Variants in PBLD observed in about 807,000 individuals in gnomAD.
The protein encoded by PBLD is phenazine biosynthesis-like domain-containing protein.
In PBLD, 26 loss-of-function variants were observed where a neutral mutation model predicts 31.3. That is an observed-to-expected ratio of 0.83 (90% CI 0.61 to 1.15). The LOEUF (loss-of-function observed/expected upper bound fraction) is 1.15, where lower values mean the gene tolerates loss of function less well. Ranked by LOEUF, PBLD falls within the 50% of genes most tolerant of loss-of-function variation. The pLI, the probability that PBLD is intolerant of heterozygous loss-of-function variation, is 0.00. For synonymous variants in PBLD, 114 were observed against 129.0 expected (o/e 0.88, Z 0.79); for missense variants, 307 against 351.7 (o/e 0.87, Z 1.02).
At chr10:68,287,432 A>G (rs2044302903) in intron 8 of PBLD, 1 of 152,152 alleles carries the variant, frequency 6.6e-6, no homozygotes, top group Non-Finnish European at 1.5e-5. Context: ...ATGGTTGGGC[A>G]TTTTCCTGAG....
chr10:68,295,475 C>T (rs1208952620), intron 4 of PBLD, among the ~76,000 whole-genome samples: 1 of 147,376 alleles, frequency 6.8e-6, no homozygotes, highest in Non-Finnish European at 1.5e-5. Context: ...TCTGGTCAAC[C>T]GAGCCAGGCC....
intron 1 of PBLD, among the ~76,000 whole-genome samples, chr10:68,327,065 T>TA (rs374097075): frequency 0.021 from 3,073 of 145,856 alleles, 104 homozygotes; most frequent in African/African-American, 0.072. Flanking sequence ...ACAACAACAA[T>TA]AAAAAAAAAA....
chr10:68,306,333 T>C (rs2044578765), intron 2 of PBLD, among the ~76,000 whole-genome samples: 1 of 152,228 alleles, frequency 6.6e-6, no homozygotes, highest in African/African-American at 2.4e-5. Context: ...TTCTTGATCC[T>C]GAAAAGAATT....
chr10:68,305,831 G>C (rs1425639786), intron 2 of PBLD, among the ~76,000 whole-genome samples: 2 of 152,156 alleles, frequency 1.3e-5, no homozygotes, highest in East Asian at 1.9e-4. Flanking sequence ...CTAGAAGACA[G>C]CATTTTCAAA....
rs770362151 is a variant in PBLD, at chr10:68,288,601, C to G, written c.573G>C (p.Gly191=). ...GGGTAAGAATAAGCCCTTTCACCTT[C>G]CCTGTGTTTTCAACTTGCAGCAGAT... is the stretch of plus-strand genomic sequence containing the variant. ...TENLLQVENT[G]KVKGLILTLK... is the part of the protein sequence containing the mutation. The change falls in exon 8 of 10, where the codon GGG becomes GGC. Residue 191 remains glycine, a synonymous_variant. Coordinates refer to ENST00000358769, the MANE Select transcript of PBLD (RefSeq NM_022129.4). The G allele has an allele frequency of 4.3e-6, 7 of 1,614,080 alleles. No homozygotes were observed. The African/African-American group carries it at 9.3e-5, about 22-fold the overall frequency.
chr10:68,310,298 CTTTG>C lies in PBLD; in HGVS notation c.-59-3399_-59-3396del, dbSNP rs200759167. The stretch of plus-strand genomic sequence containing the variant: ...ATTTGAAAGAAAATTTTTCTTTTTA[CTTTG>C]TTTATGTTTCTTTTAATTGACAGAT... On this transcript the variant is annotated intron_variant, in intron 1 of 9. Coordinates refer to ENST00000358769, the MANE Select transcript of PBLD (RefSeq NM_022129.4). Among the ~76,000 whole-genome samples, 781 of 146,874 alleles carry C rather than the reference CTTTG, an allele frequency of 5.3e-3. 27 individuals are homozygous for C. Among genetic ancestry groups the C allele is most frequent in the South Asian group, 0.015 (71 of 4,596 alleles).
rs530823664 is a variant in PBLD, at chr10:68,302,279, G to T, written c.84+4482C>A. 1.1e-4 allele frequency among the ~76,000 whole-genome samples: 17 copies of T among 152,256 alleles called. No homozygotes were observed. The South Asian group carries it at 3.5e-3, about 32-fold the overall frequency. On this transcript the variant is annotated intron_variant, in intron 2 of 9. Coordinates refer to ENST00000358769, the MANE Select transcript of PBLD (RefSeq NM_022129.4). Reference sequence around the variant, plus strand: ...CAACAGCAAAAACAGAGTGATGTTTGCCTTTCTGAATTCCAGTGTACTGCT... The same window carrying T: ...CAACAGCAAAAACAGAGTGATGTTTTCCTTTCTGAATTCCAGTGTACTGCT...
In PBLD at chr10:68,296,380, G is replaced by T; in HGVS notation, c.185-16C>A. ...AAGCAGGAACCTGAGGATAGGAAAA[G>T]CCAAAGAGAGATGAGATCATTCCCA... On this transcript the variant is annotated splice_polypyrimidine_tract_variant and intron_variant, in intron 3 of 9. Coordinates refer to ENST00000358769, the MANE Select transcript of PBLD (RefSeq NM_022129.4). The T allele has an allele frequency of 1.3e-6, 2 of 1,571,426 alleles. No individual in the cohort carries two copies. The highest frequency in any genetic ancestry group is 1.7e-6 in the Non-Finnish European group (2 of 1,142,934).
Position 68,310,505 on chromosome 10 carries a change from T to C in PBLD, c.-59-3602A>G, listed in dbSNP as rs1378975241. Among the ~76,000 whole-genome samples, 5 of 149,662 alleles carry C rather than the reference T, an allele frequency of 3.3e-5. No homozygotes were observed. In the South Asian group the frequency reaches 1.1e-3, roughly 32 times the overall value. ...TTGCATTTTTCAAGAATACAGTATA[T>C]TAACTATAGTCATGATGCTATACAA... On this transcript the variant is annotated intron_variant, in intron 1 of 9. Transcript: ENST00000358769.
chr10:68,301,581 A>G (rs2044506693), intron 2 of PBLD, among the ~76,000 whole-genome samples: 1 of 152,174 alleles, frequency 6.6e-6, no homozygotes, highest in Admixed American at 6.5e-5. Context: ...GCCTTCCTGG[A>G]CTTGCCTCCT....
Position 68,319,917 on chromosome 10 carries a change from A to G in PBLD, c.-60+12867T>C, listed in dbSNP as rs370613012. Among the ~76,000 whole-genome samples, 8 of 150,750 alleles carry G rather than the reference A, an allele frequency of 5.3e-5. No individual in the cohort carries two copies. In the East Asian group the frequency reaches 1.6e-3, roughly 30 times the overall value. ...CGGCTCACGGCAACCTCCGCCTCCC[A>G]GGTTCAAGCGATTCTCCTGCCTCAG... On this transcript the variant is annotated intron_variant, in intron 1 of 9. Transcript: ENST00000358769.
chr10:68,328,937 G>A (rs2134562193), intron 1 of PBLD, among the ~76,000 whole-genome samples: 1 of 152,300 alleles, frequency 6.6e-6, no homozygotes, highest in African/African-American at 2.4e-5. Flanking sequence ...GAGTGCAGTG[G>A]CACGATCTCG....
chr10:68,296,054 G>T (rs182340393), intron 4 of PBLD: 1 of 401,412 alleles, frequency 2.5e-6, no homozygotes, highest in Non-Finnish European at 4.5e-6. Context: ...CATTCTGATC[G>T]CAGCTTTCCA....
At chr10:68,291,349 A>T (rs2044356244) in intron 6 of PBLD, among the ~76,000 whole-genome samples, 1 of 152,198 alleles carries the variant, frequency 6.6e-6, no homozygotes, top group African/African-American at 2.4e-5. Flanking sequence ...TAATATTATT[A>T]AGCCCCATGC....
intron 8 of PBLD, chr10:68,288,262 G>C (rs1293540712): frequency 1.9e-6 from 1 of 535,434 alleles, no homozygotes; most frequent in African/African-American, 1.9e-5. Flanking sequence ...TGTAAACCCA[G>C]GCTGTCTGAC....
At chr10:68,318,293 C>T (rs1479152882) in intron 1 of PBLD, among the ~76,000 whole-genome samples, 3 of 148,970 alleles carry the variant, frequency 2.0e-5, no homozygotes, top group African/African-American at 7.4e-5. Flanking sequence ...TAATCCCAGC[C>T]CTTTGGGAGG....
At chr10:68,309,819 A>G (rs10823176) in intron 1 of PBLD, among the ~76,000 whole-genome samples, 61,689 of 125,070 alleles carry the variant, frequency 0.49, 16,341 homozygotes, top group East Asian at 0.74. Context: ...AAAAAAAAAA[A>G]AAAGAAAGAA....
rs940141872 is a variant in PBLD at position 68,283,252 on chromosome 10, T to G, written c.*925A>C. ...GTAGCCTAATACATACTTTTTTGTG[T>G]TAATTTTCTGGATTCATCCTGATTT... On this transcript the variant is annotated 3_prime_UTR_variant, in exon 10 of 10. Coordinates refer to ENST00000358769, the MANE Select transcript of PBLD (RefSeq NM_022129.4). 10 of 152,182 alleles carry G rather than the reference T, an allele frequency of 6.6e-5. No individual in the cohort carries two copies. Among genetic ancestry groups the G allele is most frequent in the Non-Finnish European group, 1.3e-4 (9 of 68,030 alleles). 9.4% of individuals were successfully genotyped at this position (152,182 alleles called of 1,614,324 possible). A position where few individuals can be genotyped will look rare whatever the true frequency, so the allele number is the denominator to read the frequency against.
rs897328557 is a variant in PBLD at position 68,285,219 on chromosome 10, A to G, written c.754+129T>C. On this transcript the variant is annotated intron_variant, in intron 9 of 9. Transcript: ENST00000358769. Reference sequence around the variant, plus strand: ...GGATCTTTAAGGGTGAAGGAATTTTAAAACCTTTCATTTTCACATGGGTGA... The same window carrying G: ...GGATCTTTAAGGGTGAAGGAATTTTGAAACCTTTCATTTTCACATGGGTGA... 11 of 1,549,626 alleles carry G rather than the reference A, an allele frequency of 7.1e-6. No homozygotes were observed. In the African/African-American group the frequency reaches 1.5e-4, roughly 21 times the overall value.
Sources: allele counts gnomAD v4.1 joint callset (sites outside exome capture counted in the v4.1 genomes callset), GRCh38; gene constraint gnomAD v4.1.1; transcripts MANE v1.5; gene names NCBI Gene and HGNC (gene_info 2026-07-23, HGNC 2026-07-21).